Variants in GPC3 observed in about 807,000 individuals in gnomAD.
GPC3 encodes glypican-3.
GPC3 carries 3 observed loss-of-function variants against 34.4 expected under a neutral mutation model. The observed-to-expected ratio is 0.09, with a 90% confidence interval of 0.04 to 0.23. GPC3 has a LOEUF of 0.23. Among genes scored for constraint, GPC3 ranks in the 10% least tolerant of loss-of-function variants. The pLI is 1.00. For synonymous variants in GPC3, 177 were observed against 174.0 expected, an observed-to-expected ratio of 1.02 and a Z score of -0.13; for missense variants, 351 against 445.6, an observed-to-expected ratio of 0.79 and a Z score of 1.91.
In GPC3 at chrX:133,954,599, C is replaced by T. The variant is rs372896870; in HGVS notation, c.176-1388G>A. Among the ~76,000 whole-genome samples, 90 of 110,431 alleles carry T rather than the reference C, an allele frequency of 8.1e-4. 1 individual carries two copies. The highest frequency in any genetic ancestry group is 2.7e-3 in the African/African-American group (81 of 30,430). On this transcript the variant is annotated intron_variant, in intron 1 of 7. Transcript: ENST00000370818. The stretch of plus-strand genomic sequence containing the variant: ...AGAGAAGGCATCTTCCATAAGGTAA[C>T]GTTTGAGGAGAGATGAGGAAGGTGA...
At chrX:133,884,540 G>A (rs771689380) in intron 2 of GPC3, among the ~76,000 whole-genome samples, 8 of 111,411 alleles carry the variant, frequency 7.2e-5, no homozygotes, top group Admixed American at 1.9e-4. Flanking sequence ...CATAGCAACC[G>A]TTTGAGATAG....
chrX:133,618,701 A>T lies in GPC3; in HGVS notation c.1414-22102T>A, dbSNP rs890167035. Among the ~76,000 whole-genome samples, 252 of 78,262 alleles carry T rather than the reference A, an allele frequency of 3.2e-3. 2 individuals carry two copies. Among genetic ancestry groups the T allele is most frequent in the African/African-American group, 0.012 (216 of 17,834 alleles). 68.0% of individuals were successfully genotyped at this position (78,262 alleles called of 115,157 possible). A position where few individuals can be genotyped will look rare whatever the true frequency, so the allele number is the denominator to read the frequency against. On this transcript the variant is annotated intron_variant, in intron 6 of 7. Coordinates refer to ENST00000370818, the MANE Select transcript of GPC3 (RefSeq NM_004484.4). ...GGGTCACAGAGAAAGACACTGTATCAAAAAAAAAAAAAAAAAAATAGACCA... is the reference window on the plus strand; with the variant it reads ...GGGTCACAGAGAAAGACACTGTATCTAAAAAAAAAAAAAAAAAATAGACCA...
intron 2 of GPC3, among the ~76,000 whole-genome samples, chrX:133,925,694 A>G (rs2076271750): frequency 2.7e-5 from 3 of 112,200 alleles, no homozygotes; most frequent in African/African-American, 9.7e-5. Context: ...TTGATTATAA[A>G]TACAACACTT....
intron 6 of GPC3, among the ~76,000 whole-genome samples, chrX:133,627,667 G>A (rs2070320153): frequency 8.9e-6 from 1 of 112,546 alleles, no homozygotes; most frequent in Admixed American, 9.4e-5. Context: ...CTGGCTAAGT[G>A]AATTTAAAGG....
Position 133,692,379 on chromosome X carries a change from G to A in GPC3, c.1282C>T (p.Leu428Phe), listed in dbSNP as rs2071072530. The A allele has an allele frequency of 8.3e-7, 1 of 1,211,251 alleles. No homozygotes were observed. The highest frequency in any genetic ancestry group is 3.0e-5 in the East Asian group (1 of 33,868). The change falls in exon 5 of 8, where the codon CTC becomes TTC. Residue 428 changes from leucine to phenylalanine, a missense_variant. By Grantham distance (22) the Leu-to-Phe change is conservative. Coordinates refer to ENST00000370818, the MANE Select transcript of GPC3 (RefSeq NM_004484.4). Reference protein sequence around the residue: ...NDTLCWNGQELVERYSQKAAR... With the variant: ...NDTLCWNGQEFVERYSQKAAR... ...TTCAAAAAAGATCACCTCTCCACGAGTTCTTGTCCATTCCAGCAAAGGGTG... is the reference window on the plus strand; with the variant it reads ...TTCAAAAAAGATCACCTCTCCACGAATTCTTGTCCATTCCAGCAAAGGGTG...
Position 133,670,634 on chromosome X carries a change from CAG to C in GPC3, c.1293-8786_1293-8785del, listed in dbSNP as rs757894618. Among the ~76,000 whole-genome samples the C allele has an allele frequency of 2.7e-3, 305 of 112,041 alleles. 1 individual carries two copies. Among genetic ancestry groups the C allele is most frequent in the African/African-American group, 9.7e-3 (299 of 30,845 alleles). ...TCAGTATTGCATGTAATCCCTAACT[CAG>C]TGATTTATCTGTTTCCTTGGAACGC... On this transcript the variant is annotated intron_variant, in intron 5 of 7. Transcript: ENST00000370818.
At chrX:133,592,939 C>T (rs2069867176) in intron 7 of GPC3, among the ~76,000 whole-genome samples, 1 of 111,305 alleles carries the variant, frequency 9.0e-6, no homozygotes, top group Admixed American at 9.5e-5. Context: ...TACCCCAAGA[C>T]CTATTTTCTT....
At chrX:133,958,721 A>C (rs932212429) in intron 1 of GPC3, among the ~76,000 whole-genome samples, 2 of 105,768 alleles carry the variant, frequency 1.9e-5, no homozygotes, top group Admixed American at 1.0e-4. Flanking sequence ...AAAAAAAAAA[A>C]AACAAAAAAA....
intron 6 of GPC3, among the ~76,000 whole-genome samples, chrX:133,634,897 G>T (rs1175957461): frequency 8.9e-6 from 1 of 112,006 alleles, no homozygotes; most frequent in Non-Finnish European, 1.9e-5. Context: ...GCTAGTCTGT[G>T]TGCCAAGTGA....
At chrX:133,616,079 C>T (rs2070159464) in intron 6 of GPC3, among the ~76,000 whole-genome samples, 1 of 111,102 alleles carries the variant, frequency 9.0e-6, no homozygotes, top group South Asian at 3.8e-4. Context: ...AATAAAAGTC[C>T]CCAGATTAGA....
rs767899521 is a variant in GPC3, at chrX:133,869,541, A to G, written c.337+83509T>C. On this transcript the variant is annotated intron_variant, in intron 2 of 7. Coordinates refer to ENST00000370818, the MANE Select transcript of GPC3 (RefSeq NM_004484.4). ...GACTACTGACACAAACCATGGCAAC[A>G]CGAACATATTTCAAGCTTGAGTGGC... 3.6e-5 allele frequency among the ~76,000 whole-genome samples: 4 copies of G among 112,387 alleles called. No homozygotes were observed. In the East Asian group the frequency reaches 1.1e-3, roughly 31 times the overall value.
At chrX:133,884,510 T>C (rs938773172) in intron 2 of GPC3, among the ~76,000 whole-genome samples, 3 of 111,754 alleles carry the variant, frequency 2.7e-5, no homozygotes, top group Non-Finnish European at 5.6e-5. Flanking sequence ...GCTTTGCACA[T>C]ACTAATCTTA....
chrX:133,727,594 AT>A (rs1414566610), intron 3 of GPC3, among the ~76,000 whole-genome samples: 1 of 110,959 alleles, frequency 9.0e-6, no homozygotes, highest in Non-Finnish European at 1.9e-5. Context: ...CATACTTCAT[AT>A]TCTTCCTTTT....
At chrX:133,705,269 G>A (rs1019680455) in intron 3 of GPC3, among the ~76,000 whole-genome samples, 1 of 110,113 alleles carries the variant, frequency 9.1e-6, no homozygotes, top group Non-Finnish European at 1.9e-5. Flanking sequence ...GTGTGGTCAC[G>A]GCTCAATGCA....
intron 6 of GPC3, among the ~76,000 whole-genome samples, chrX:133,614,038 G>T (rs186464988): frequency 1.8e-5 from 2 of 110,924 alleles, no homozygotes; most frequent in East Asian, 5.6e-4. Context: ...GGAATATGAA[G>T]CTTCATCAAT....
At position 133,699,985 on chromosome X, in the gene GPC3, G is replaced by A; in HGVS notation, c.1076C>T (p.Ser359Phe). Residue 359 changes from serine (S) to phenylalanine (F), a missense_variant, in exon 4 of 8, where the codon TCT becomes TTT. Physicochemically the swap from Ser to Phe is radical, Grantham distance 155. Coordinates refer to ENST00000370818, the MANE Select transcript of GPC3 (RefSeq NM_004484.4). The stretch of plus-strand genomic sequence containing the variant: ...AAAGAGATCTTCAGGATAATAAGCA[G>A]ATCTATATTGGCGTTGTTGAGAATG... ...CAHSQQRQYRSAYYPEDLFID... is the reference protein window; with the variant it reads ...CAHSQQRQYRFAYYPEDLFID... The A allele has an allele frequency of 8.4e-7, 1 of 1,191,801 alleles. No homozygotes were observed. Among genetic ancestry groups the A allele is most frequent in the Non-Finnish European group, 1.1e-6 (1 of 878,401 alleles).
At chrX:133,825,659 T>C (rs2075742534) in intron 2 of GPC3, among the ~76,000 whole-genome samples, 1 of 111,575 alleles carries the variant, frequency 9.0e-6, no homozygotes, top group Non-Finnish European at 1.9e-5. Context: ...CACAGGGGCT[T>C]TGGAAATCTT....
chrX:133,566,333 C>T (rs1189843372), intron 7 of GPC3, among the ~76,000 whole-genome samples: 1 of 111,815 alleles, frequency 8.9e-6, no homozygotes, highest in Non-Finnish European at 1.9e-5. Flanking sequence ...ACATGCAGCT[C>T]AGGAAATATC....
intron 1 of GPC3, among the ~76,000 whole-genome samples, chrX:133,976,963 AAATG>A (rs1316645249): frequency 3.5e-4 from 38 of 109,198 alleles, no homozygotes; most frequent in African/African-American, 5.4e-4. Context: ...ATAAATAAAT[AAATG>A]AGGGGCAACA....
Sources: gnomAD v4.1 joint callset for allele counts (sites outside exome capture counted in the v4.1 genomes callset) on GRCh38, gnomAD v4.1.1 for gene constraint, MANE v1.5 for transcripts, NCBI Gene and HGNC (gene_info 2026-07-23, HGNC 2026-07-21) for gene names.